YTHDF3: variants seen among roughly 807,000 people sequenced by gnomAD.
The protein encoded by YTHDF3 is YTH N6-methyladenosine RNA binding protein F3, also known as YTH domain-containing family protein 3.
YTHDF3 carries 9 observed loss-of-function variants against 52.5 expected under a neutral mutation model. That is an observed-to-expected ratio of 0.17 (90% confidence interval 0.10 to 0.30). YTHDF3 has a LOEUF of 0.30. Among genes scored for constraint, YTHDF3 ranks in the 10% least tolerant of loss-of-function variants. The probability of loss-of-function intolerance (pLI) is 1.00; values close to 1 mark genes in which losing one functional copy is unlikely to be tolerated. For missense variants in YTHDF3, 534 were observed against 715.0 expected, an observed-to-expected ratio of 0.75 and a Z score of 2.89; for synonymous variants, 274 against 243.3, an observed-to-expected ratio of 1.13 and a Z score of -1.18.
At position 63,173,202 on chromosome 8, in the gene YTHDF3, T is replaced by TTTTATATATATATATATATATATATA. The variant is rs1554533374; in HGVS notation, c.50-2128_50-2127insTTATATATATATATATATATATATAT. Among the ~76,000 whole-genome samples the TTTTATATATATATATATATATATATA allele has an allele frequency of 4.2e-4, 53 of 125,896 alleles. 2 individuals carry two copies. Among genetic ancestry groups the TTTTATATATATATATATATATATATA allele is most frequent in the African/African-American group, 2.0e-3 (49 of 24,788 alleles). The allele number at this position is 125,896 out of a possible 152,430, so 82.6% of individuals were successfully genotyped here. A position where few individuals can be genotyped will look rare whatever the true frequency, so the allele number is the denominator to read the frequency against. On this transcript the variant is annotated intron_variant, in intron 2 of 4. Coordinates refer to ENST00000539294, the MANE Select transcript of YTHDF3 (RefSeq NM_152758.6). ...AAAAATAAGAATAACAGGATTATAT[T>TTTTATATATATATATATATATATATA]TATATATATATACAGATAAATTTTA...
At position 63,186,712 on chromosome 8, in the gene YTHDF3, A is replaced by T. The variant is rs1808529281; in HGVS notation, c.701A>T (p.Lys234Ile). Residue 234 changes from lysine (K) to isoleucine (I), a missense_variant, in exon 4 of 5, where the codon AAA becomes ATA. Physicochemically the swap from Lys to Ile is moderately radical, Grantham distance 102 (BLOSUM62 -3). Around this residue, in one of 3 missense-constraint regions of YTHDF3, gnomAD observed 196 missense variants for 299.5 expected, o/e 0.65. Transcript: ENST00000539294. ...SVPPVSSAAP[K>I]PTSWAAIARK... Reference sequence around the variant, plus strand: ...CCCCCAGTTAGCAGTGCAGCACCTAAACCAACCTCCTGGGCTGCCATTGCC... The same window carrying T: ...CCCCCAGTTAGCAGTGCAGCACCTATACCAACCTCCTGGGCTGCCATTGCC... 1 of 1,613,800 alleles carries T rather than the reference A, an allele frequency of 6.2e-7. No individual in the cohort carries two copies. Among genetic ancestry groups the T allele is most frequent in the Admixed American group, 1.7e-5 (1 of 59,986 alleles).
At chr8:63,170,182 C>T (rs1807216779) in intron 2 of YTHDF3, among the ~76,000 whole-genome samples, 1 of 152,062 alleles carries the variant, frequency 6.6e-6, no homozygotes, top group Admixed American at 6.5e-5. Flanking sequence ...GGGATAGTGC[C>T]AATTAAATAA....
rs944632279 is a variant in YTHDF3 at position 63,210,844 on chromosome 8, A to G, written c.*1138A>G. The G allele has an allele frequency of 4.6e-5, 7 of 152,488 alleles. No homozygotes were observed. Among genetic ancestry groups the G allele is most frequent in the Non-Finnish European group, 8.8e-5 (6 of 67,952 alleles). 9.4% of individuals were successfully genotyped at this position (152,488 alleles called of 1,614,324 possible). The stretch of plus-strand genomic sequence containing the variant: ...ATCTTTTTAACATCTTATTTTTTTC[A>G]TTAATTACATATCAACATTAATTTT... On this transcript the variant is annotated 3_prime_UTR_variant, in exon 5 of 5. Transcript: ENST00000539294.
intron 4 of YTHDF3, among the ~76,000 whole-genome samples, chr8:63,190,431 T>C (rs553006212): frequency 1.2e-4 from 18 of 152,218 alleles, no homozygotes; most frequent in Non-Finnish European, 2.2e-4. Flanking sequence ...TATTATTATA[T>C]ATATTGTAGC....
chr8:63,169,108 G>C (rs1030706371), intron 1 of YTHDF3: 2 of 1,384,228 alleles, frequency 1.4e-6, no homozygotes, highest in Non-Finnish European at 9.3e-7. Flanking sequence ...CGCGGCGGGT[G>C]GGGGCAAGGA....
At chr8:63,207,227 T>C (rs1315214500) in intron 4 of YTHDF3, among the ~76,000 whole-genome samples, 1 of 152,226 alleles carries the variant, frequency 6.6e-6, no homozygotes, top group Non-Finnish European at 1.5e-5. Context: ...TTAAGTCCAC[T>C]GTCTGATATT....
chr8:63,182,277 T>G (rs1028174164), intron 3 of YTHDF3, among the ~76,000 whole-genome samples: 11 of 146,484 alleles, frequency 7.5e-5, no homozygotes, highest in African/African-American at 2.5e-4. Flanking sequence ...TAGTCTCTTG[T>G]GCAGGCTGGT....
chr8:63,188,508 G>A (rs1027136069), intron 4 of YTHDF3, among the ~76,000 whole-genome samples: 1 of 147,896 alleles, frequency 6.8e-6, no homozygotes, highest in Non-Finnish European at 1.5e-5. Context: ...TGTATTTATT[G>A]TAGATAGAGG....
chr8:63,190,302 C>CT (rs61626712), intron 4 of YTHDF3, among the ~76,000 whole-genome samples: 3,105 of 144,514 alleles, frequency 0.021, 109 homozygotes, highest in African/African-American at 0.074. Flanking sequence ...CCTTCTGTGT[C>CT]TTTTTTTTTT....
intron 4 of YTHDF3, among the ~76,000 whole-genome samples, chr8:63,204,408 C>T (rs1809853264): frequency 6.9e-6 from 1 of 145,872 alleles, no homozygotes. Context: ...GTTGCCCAGG[C>T]TGGAGTACAA....
At chr8:63,185,502 GA>G (rs1808438900) in intron 3 of YTHDF3, among the ~76,000 whole-genome samples, 1 of 152,156 alleles carries the variant, frequency 6.6e-6, no homozygotes, top group African/African-American at 2.4e-5. Flanking sequence ...CCACCAATAA[GA>G]AACTATGATA....
chr8:63,185,702 C>G (rs1386268419), intron 3 of YTHDF3, among the ~76,000 whole-genome samples: 1 of 152,162 alleles, frequency 6.6e-6, no homozygotes, highest in Non-Finnish European at 1.5e-5. Context: ...TGTAATTCCT[C>G]TATTATTCGG....
At chr8:63,195,046 G>C (rs1483014028) in intron 4 of YTHDF3, among the ~76,000 whole-genome samples, 1 of 152,072 alleles carries the variant, frequency 6.6e-6, no homozygotes, top group Non-Finnish European at 1.5e-5. Flanking sequence ...GAGTTCCTCG[G>C]CTTGCCTTGC....
intron 4 of YTHDF3, among the ~76,000 whole-genome samples, chr8:63,204,913 C>G (rs532178773): frequency 6.6e-6 from 1 of 152,120 alleles, no homozygotes; most frequent in Admixed American, 6.5e-5. Flanking sequence ...AGTCATTTAT[C>G]TGTCTTGTCT....
At chr8:63,175,519 C>A in intron 3 of YTHDF3, 103 bp downstream of exon 3, 2 of 935,378 alleles carry the variant, frequency 2.1e-6, no homozygotes, top group Non-Finnish European at 3.3e-6. Flanking sequence ...AACATGGATT[C>A]ATTCATCTAG....
At chr8:63,178,774 A>T (rs532789524) in intron 3 of YTHDF3, among the ~76,000 whole-genome samples, 2 of 152,252 alleles carry the variant, frequency 1.3e-5, no homozygotes, top group Admixed American at 6.5e-5. Context: ...GGTAAGTCGT[A>T]TGAGAATTTA....
intron 4 of YTHDF3, among the ~76,000 whole-genome samples, chr8:63,207,937 A>T (rs757475092): frequency 3.9e-5 from 6 of 152,224 alleles, no homozygotes; most frequent in Non-Finnish European, 8.8e-5. Context: ...GCAGTGAATT[A>T]AACTTTCTTT....
intron 3 of YTHDF3, among the ~76,000 whole-genome samples, chr8:63,177,657 G>A (rs188570767): frequency 6.6e-6 from 1 of 151,182 alleles, no homozygotes; most frequent in African/African-American, 2.4e-5. Context: ...CAGTTGAACT[G>A]TTTTTTTTGC....
chr8:63,169,044 C>G (rs1009722516), intron 1 of YTHDF3, 143 bp downstream of exon 1: 18 of 1,427,206 alleles, frequency 1.3e-5, no homozygotes, highest in Non-Finnish European at 1.5e-5. Context: ...TGTAGCTACC[C>G]GGGCCGGGGC....
Sources: allele counts gnomAD v4.1 joint callset (sites outside exome capture counted in the v4.1 genomes callset), GRCh38; gene constraint gnomAD v4.1.1; regional missense constraint gnomAD v4.1.1; transcripts MANE v1.5; gene names NCBI Gene and HGNC (gene_info 2026-07-23, HGNC 2026-07-21).